Variants in MCTP1 observed in about 807,000 individuals in gnomAD.
MCTP1 encodes the protein multiple C2 and transmembrane domain containing 1.
In MCTP1, 69 loss-of-function variants were observed where a neutral mutation model predicts 120.6. The observed-to-expected ratio is 0.57, with a 90% CI of 0.47 to 0.70. MCTP1 has a LOEUF of 0.70. Among genes scored for constraint, MCTP1 ranks in the 30% least tolerant of loss-of-function variants. The pLI is 0.00. For missense variants in MCTP1, 1,203 were observed against 1,248.8 expected, an observed-to-expected ratio of 0.96 and a Z score of 0.55; for synonymous variants, 529 against 493.1, an observed-to-expected ratio of 1.07 and a Z score of -0.96.
intron 1 of MCTP1, among the ~76,000 whole-genome samples, chr5:95,195,704 G>C (rs994882603): frequency 6.6e-6 from 1 of 152,070 alleles, no homozygotes; most frequent in Non-Finnish European, 1.5e-5. Context: ...ACACAGCAGA[G>C]AGGGGTATAA....
At chr5:94,903,655 G>A (rs931800386) in intron 10 of MCTP1, among the ~76,000 whole-genome samples, 1 of 152,156 alleles carries the variant, frequency 6.6e-6, no homozygotes, top group Non-Finnish European at 1.5e-5. Flanking sequence ...GTAGCATTTA[G>A]TTGTCATGGG....
chr5:95,175,342 C>A (rs1281962540), intron 1 of MCTP1, among the ~76,000 whole-genome samples: 1 of 152,146 alleles, frequency 6.6e-6, no homozygotes, highest in East Asian at 1.9e-4. Flanking sequence ...GGCAAACACG[C>A]AGGAAATGGC....
chr5:95,015,859 T>C (rs1200087106), intron 2 of MCTP1, among the ~76,000 whole-genome samples: 1 of 152,102 alleles, frequency 6.6e-6, no homozygotes, highest in Non-Finnish European at 1.5e-5. Context: ...ATATATGCAT[T>C]TCAAATTGCT....
rs574901966 is a variant in MCTP1 at position 94,988,433 on chromosome 5, A to G, written c.838+28934T>C. ...GAAATGTGACAGTTGATCCTATTGT[A>G]TTCAAAGACTGCTACCTCAGGAATT... On this transcript the variant is annotated intron_variant, in intron 2 of 22. Transcript: ENST00000515393. Among the ~76,000 whole-genome samples the G allele has an allele frequency of 4.6e-5, 7 of 152,208 alleles. No homozygotes were observed. The South Asian group carries it at 6.2e-4, about 14-fold the overall frequency.
intron 1 of MCTP1, among the ~76,000 whole-genome samples, chr5:95,204,617 T>C (rs551809591): frequency 8.5e-5 from 13 of 152,230 alleles, no homozygotes; most frequent in African/African-American, 3.1e-4. Context: ...GTCTTGAATA[T>C]AGAAAACCCT....
chr5:94,818,352 T>A (rs1018585241), intron 17 of MCTP1, among the ~76,000 whole-genome samples: 1 of 152,206 alleles, frequency 6.6e-6, no homozygotes, highest in African/African-American at 2.4e-5. Flanking sequence ...AATTCATCCA[T>A]CACACCTGGC....
intron 1 of MCTP1, among the ~76,000 whole-genome samples, chr5:95,069,967 T>C (rs1751720763): frequency 6.6e-6 from 1 of 152,100 alleles, no homozygotes; most frequent in Non-Finnish European, 1.5e-5. Flanking sequence ...CCTCCCAAAG[T>C]GCTGGGATTA....
At chr5:94,965,233 G>A (rs1825301704) in intron 2 of MCTP1, among the ~76,000 whole-genome samples, 1 of 152,140 alleles carries the variant, frequency 6.6e-6, no homozygotes, top group Admixed American at 6.6e-5. Context: ...ATTCTTGGAT[G>A]CCATTTTTTT....
At chr5:94,868,878 A>G (rs1290111833) in intron 16 of MCTP1, among the ~76,000 whole-genome samples, 3 of 151,980 alleles carry the variant, frequency 2.0e-5, no homozygotes, top group African/African-American at 7.2e-5. Flanking sequence ...AGAAAAACCT[A>G]TCCAGAATTG....
chr5:95,017,219 A>T, intron 2 of MCTP1, 148 bp downstream of exon 2: 2 of 487,588 alleles, frequency 4.1e-6, no homozygotes, highest in Non-Finnish European at 3.6e-6. Context: ...ACAGGAGTCA[A>T]GTAATGTGTC....
intron 18 of MCTP1, among the ~76,000 whole-genome samples, chr5:94,790,078 A>G (rs1326270909): frequency 6.6e-6 from 1 of 152,102 alleles, no homozygotes; most frequent in Non-Finnish European, 1.5e-5. Flanking sequence ...GAGTGTTGTG[A>G]TTTTTATTGT....
chr5:95,177,567 A>T (rs1001625873), intron 1 of MCTP1, among the ~76,000 whole-genome samples: 1 of 152,222 alleles, frequency 6.6e-6, no homozygotes, highest in African/African-American at 2.4e-5. Flanking sequence ...TATATCACTG[A>T]GCGACAAGAA....
intron 12 of MCTP1, among the ~76,000 whole-genome samples, chr5:94,881,833 A>G (rs1800152862): frequency 6.6e-6 from 1 of 152,150 alleles, no homozygotes; most frequent in Non-Finnish European, 1.5e-5. Flanking sequence ...CACTATTCTC[A>G]ATTGACGTGA....
intron 2 of MCTP1, among the ~76,000 whole-genome samples, chr5:94,965,514 G>A (rs1561938614): frequency 8.5e-6 from 1 of 117,088 alleles, no homozygotes; most frequent in African/African-American, 3.4e-5. Context: ...ATTTTTGTGT[G>A]TGTGGATGGT....
intron 1 of MCTP1, among the ~76,000 whole-genome samples, chr5:95,070,964 C>T (rs568023427): frequency 6.2e-4 from 94 of 152,090 alleles, no homozygotes; most frequent in East Asian, 9.6e-4. Context: ...AGGGAAGTTC[C>T]GTGGGATTAG....
chr5:95,159,253 A>G (rs888509634), intron 1 of MCTP1, among the ~76,000 whole-genome samples: 4 of 152,216 alleles, frequency 2.6e-5, no homozygotes, highest in African/African-American at 9.6e-5. Flanking sequence ...GATTGACTTC[A>G]AATCCTAATT....
chr5:94,770,882 AATC>A (rs1293597017), intron 19 of MCTP1, among the ~76,000 whole-genome samples: 1 of 152,192 alleles, frequency 6.6e-6, no homozygotes, highest in Non-Finnish European at 1.5e-5. Flanking sequence ...CACCGTGCCT[AATC>A]ATCACCTAAT....
At chr5:94,780,566 G>A (rs1018702880) in intron 18 of MCTP1, among the ~76,000 whole-genome samples, 6 of 152,042 alleles carry the variant, frequency 3.9e-5, no homozygotes, top group Non-Finnish European at 5.9e-5. Context: ...CTTTCATTTG[G>A]ACATTCAGCT....
intron 1 of MCTP1, among the ~76,000 whole-genome samples, chr5:95,275,681 A>T (rs1759769863): frequency 6.6e-6 from 1 of 152,194 alleles, no homozygotes; most frequent in South Asian, 2.1e-4. Context: ...TCTTTGTACA[A>T]GTCTTCAAAA....
Sources: gnomAD v4.1 joint callset for allele counts (sites outside exome capture counted in the v4.1 genomes callset) on GRCh38, gnomAD v4.1.1 for gene constraint, MANE v1.5 for transcripts, NCBI Gene and HGNC (gene_info 2026-07-23, HGNC 2026-07-21) for gene names.